Variants in PPP1R14C observed in about 807,000 individuals in gnomAD.
The protein encoded by PPP1R14C is protein phosphatase 1 regulatory inhibitor subunit 14C.
A neutral mutation model predicts 20.4 loss-of-function variants in PPP1R14C; 16 were observed. The ratio of observed to expected loss-of-function variants is 0.78; its 90% CI spans 0.53 to 1.19. The LOEUF (loss-of-function observed/expected upper bound fraction) is 1.19, where lower values mean the gene tolerates loss of function less well. Ranked by LOEUF, PPP1R14C falls within the 50% of genes most tolerant of loss-of-function variation. The probability of loss-of-function intolerance (pLI) is 0.00; values close to 1 mark genes in which losing one functional copy is unlikely to be tolerated. For missense variants in PPP1R14C, 211 were observed against 220.1 expected (o/e 0.96, Z 0.26); for synonymous variants, 91 against 91.0 (o/e 1.00, Z 0.00).
intron 3 of PPP1R14C, among the ~76,000 whole-genome samples, chr6:150,229,260 C>G (rs1011119600): frequency 4.6e-5 from 7 of 152,216 alleles, no homozygotes; most frequent in Admixed American, 3.3e-4. Context: ...TACACTCCCT[C>G]ATTGACAATG....
chr6:150,178,797 G>A (rs2144399), intron 1 of PPP1R14C, among the ~76,000 whole-genome samples: 2 of 152,100 alleles, frequency 1.3e-5, no homozygotes, highest in Non-Finnish European at 2.9e-5. Context: ...GTCTGAAATA[G>A]GGAAACATCT....
intron 3 of PPP1R14C, among the ~76,000 whole-genome samples, chr6:150,237,567 A>C (rs1035456511): frequency 6.6e-6 from 1 of 152,156 alleles, no homozygotes; most frequent in African/African-American, 2.4e-5. Flanking sequence ...GATGATGATG[A>C]TGATAACGAT....
chr6:150,217,352 C>T (rs889685278), intron 3 of PPP1R14C, among the ~76,000 whole-genome samples: 41 of 152,154 alleles, frequency 2.7e-4, no homozygotes, highest in Middle Eastern at 3.4e-3. Context: ...TGCGTCACCA[C>T]GCCCGGCTAA....
chr6:150,217,540 C>T (rs1314311954), intron 3 of PPP1R14C, among the ~76,000 whole-genome samples: 1 of 151,980 alleles, frequency 6.6e-6, no homozygotes, highest in African/African-American at 2.4e-5. Context: ...TCTGTCTTTC[C>T]AAAGAGTTAC....
intron 1 of PPP1R14C, among the ~76,000 whole-genome samples, chr6:150,164,137 G>C (rs749577379): frequency 2.0e-5 from 3 of 152,166 alleles, no homozygotes; most frequent in Non-Finnish European, 2.9e-5. Context: ...GTCAAGTCCA[G>C]CCCCTTTTCA....
chr6:150,243,022 T>C (rs1778450315), intron 3 of PPP1R14C, among the ~76,000 whole-genome samples: 1 of 152,214 alleles, frequency 6.6e-6, no homozygotes, highest in Non-Finnish European at 1.5e-5. Flanking sequence ...TGAGATAAGT[T>C]AGTTCTTAAC....
chr6:150,188,544 T>A (rs1479703130), intron 1 of PPP1R14C, among the ~76,000 whole-genome samples: 3 of 139,192 alleles, frequency 2.2e-5, no homozygotes, highest in Non-Finnish European at 3.0e-5. Flanking sequence ...TGGAGTGCAG[T>A]GAAGTAATCT....
At chr6:150,168,565 A>ACAAAACAAAAC (rs1320106626) in intron 1 of PPP1R14C, among the ~76,000 whole-genome samples, 1 of 141,404 alleles carries the variant, frequency 7.1e-6, no homozygotes, top group Non-Finnish European at 1.5e-5. Flanking sequence ...ACAAAACAAA[A>ACAAAACAAAAC]AAACCCTTGA....
At chr6:150,149,883 T>A (rs1341817597) in intron 1 of PPP1R14C, among the ~76,000 whole-genome samples, 2 of 152,212 alleles carry the variant, frequency 1.3e-5, no homozygotes, top group South Asian at 4.1e-4. Context: ...CATGGGCAAA[T>A]ATTCTCTAAA....
intron 1 of PPP1R14C, among the ~76,000 whole-genome samples, chr6:150,211,820 G>C (rs752434175): frequency 6.6e-6 from 1 of 152,134 alleles, no homozygotes; most frequent in Non-Finnish European, 1.5e-5. Flanking sequence ...AGCTGGGAGC[G>C]GGATGCCTTT....
rs371220393 is a variant in PPP1R14C at position 150,148,519 on chromosome 6, C to T, written c.306+5021C>T. On this transcript the variant is annotated intron_variant, in intron 1 of 3. Coordinates refer to ENST00000361131, the MANE Select transcript of PPP1R14C (RefSeq NM_030949.3). Reference sequence around the variant, plus strand: ...ACCACTGTTAGCGGGTTAGTTCTTGCACCTGGATGAGGCCTCTCCTTTTAC... The same window carrying T: ...ACCACTGTTAGCGGGTTAGTTCTTGTACCTGGATGAGGCCTCTCCTTTTAC... 6.6e-5 allele frequency among the ~76,000 whole-genome samples: 10 copies of T among 152,346 alleles called. 1 individual carries two copies. The highest frequency in any genetic ancestry group is 1.9e-4 in the East Asian group (1 of 5,180).
rs982240296 is a variant in PPP1R14C at position 150,243,028 on chromosome 6, T to C, written c.424-5718T>C. Reference sequence around the variant, plus strand: ...AACCATTGCTGAGATAAGTTAGTTCTTAACTGAGAGTAGAGATAAATCATG... The same window carrying C: ...AACCATTGCTGAGATAAGTTAGTTCCTAACTGAGAGTAGAGATAAATCATG... On this transcript the variant is annotated intron_variant, in intron 3 of 3. Coordinates refer to ENST00000361131, the MANE Select transcript of PPP1R14C (RefSeq NM_030949.3). 2.6e-5 allele frequency among the ~76,000 whole-genome samples: 4 copies of C among 152,212 alleles called. No individual in the cohort carries two copies. In the South Asian group the frequency reaches 8.3e-4, roughly 32 times the overall value.
At chr6:150,241,839 A>C (rs535933276) in intron 3 of PPP1R14C, among the ~76,000 whole-genome samples, 1 of 152,292 alleles carries the variant, frequency 6.6e-6, no homozygotes, top group East Asian at 1.9e-4. Flanking sequence ...ATGAGCCGAG[A>C]TCATGCCATT....
intron 3 of PPP1R14C, among the ~76,000 whole-genome samples, chr6:150,236,389 A>C (rs9384264): frequency 6.6e-6 from 1 of 152,108 alleles, no homozygotes; most frequent in Non-Finnish European, 1.5e-5. Context: ...CGGGTGAGTG[A>C]ATGCATTAAA....
intron 3 of PPP1R14C, among the ~76,000 whole-genome samples, chr6:150,246,151 T>C (rs1446485305): frequency 6.6e-6 from 1 of 152,212 alleles, no homozygotes; most frequent in African/African-American, 2.4e-5. Flanking sequence ...AAATTTAAAT[T>C]TGATTGTCAT....
rs6915905 is a variant in PPP1R14C, at chr6:150,146,694, C to A, written c.306+3196C>A. Among the ~76,000 whole-genome samples, 1,310 of 152,302 alleles carry A rather than the reference C, an allele frequency of 8.6e-3. 14 individuals carry two copies. The highest frequency in any genetic ancestry group is 0.03 in the African/African-American group (1,260 of 41,558). On this transcript the variant is annotated intron_variant, in intron 1 of 3. Coordinates refer to ENST00000361131, the MANE Select transcript of PPP1R14C (RefSeq NM_030949.3). ...CACCAGTGGTGATGTCCCCCTAGGC[C>A]AGAACAGATCTGGGAGGAGCTTGTT...
Position 150,143,312 on chromosome 6 carries a change from A to G in PPP1R14C, c.120A>G (p.Ser40=), listed in dbSNP as rs1215113141. The change falls in exon 1 of 4, where the codon TCA becomes TCG. Residue 40 remains serine (S), a synonymous_variant. Coordinates refer to ENST00000361131, the MANE Select transcript of PPP1R14C (RefSeq NM_030949.3). The surrounding 1 kb of genome is among the most constrained non-coding windows in gnomAD (Gnocchi z 5.6). The stretch of plus-strand genomic sequence containing the variant: ...GCAGCCCCGGCTCCAGCAGCGGCTC[A>G]GGCTCCTCCCGGGAGGACTCGGCGC... The part of the protein sequence containing the change: ...AGGSPGSSSG[S]GSSREDSAPV... The G allele has an allele frequency of 1.9e-6, 3 of 1,589,796 alleles. No homozygotes were observed. The highest frequency in any genetic ancestry group is 2.6e-6 in the Non-Finnish European group (3 of 1,171,240).
At chr6:150,236,469 G>C (rs903910651) in intron 3 of PPP1R14C, among the ~76,000 whole-genome samples, 14 of 152,172 alleles carry the variant, frequency 9.2e-5, no homozygotes, top group Admixed American at 7.9e-4. Context: ...AGGGGCCCAG[G>C]AGTTTACTGA....
intron 1 of PPP1R14C, among the ~76,000 whole-genome samples, chr6:150,184,279 C>A (rs1777653035): frequency 6.6e-6 from 1 of 152,158 alleles, no homozygotes; most frequent in South Asian, 2.1e-4. Flanking sequence ...GGGCCGTCTC[C>A]ATCATACCAC....
Sources: gnomAD v4.1 joint callset for allele counts (sites outside exome capture counted in the v4.1 genomes callset) on GRCh38, gnomAD v4.1.1 for gene constraint, Gnocchi (gnomAD v3.1) non-coding constraint, MANE v1.5 for transcripts, NCBI Gene and HGNC (gene_info 2026-07-23, HGNC 2026-07-21) for gene names.